LAMB1: variants seen among roughly 807,000 people sequenced by gnomAD.
The protein encoded by LAMB1 is laminin subunit beta-1.
A neutral mutation model predicts 222.3 loss-of-function variants in LAMB1; 121 were observed. The ratio of observed to expected loss-of-function variants is 0.54; its 90% CI spans 0.47 to 0.63. The LOEUF is 0.63. LAMB1 is among the 30% of genes least tolerant of loss of function. LAMB1 has a pLI of 0.00. For synonymous variants in LAMB1, 794 were observed against 807.2 expected, an observed-to-expected ratio of 0.98 and a Z score of 0.28; for missense variants, 2,172 against 2,240.8, an observed-to-expected ratio of 0.97 and a Z score of 0.62.
At chr7:107,950,616 T>C (rs1166656232) in intron 24 of LAMB1, among the ~76,000 whole-genome samples, 2 of 152,218 alleles carry the variant, frequency 1.3e-5, no homozygotes, top group Non-Finnish European at 2.9e-5. Flanking sequence ...TTAAACTGAC[T>C]TGGAGCCCCT....
Position 107,986,303 on chromosome 7 carries a change from C to T in LAMB1, c.484G>A (p.Val162Met). The T allele has an allele frequency of 1.9e-6, 3 of 1,613,094 alleles. No homozygotes were observed. Among genetic ancestry groups the T allele is most frequent in the Non-Finnish European group, 2.5e-6 (3 of 1,179,188 alleles). Residue 162 changes from valine (V) to methionine (M), a missense_variant, in exon 6 of 34, where the codon GTG becomes ATG. By Grantham distance (21) the Val-to-Met change is conservative (BLOSUM62 1). Coordinates refer to ENST00000222399, the MANE Select transcript of LAMB1 (RefSeq NM_002291.3). ...RSSDFGKTWGVYRYFAYDCEA... is the reference protein window; with the variant it reads ...RSSDFGKTWGMYRYFAYDCEA... Reference sequence around the variant, plus strand: ...CAGTCATAGGCGAAGTATCTATACACACCCCAGGTTTTCCCAAAGTCGGAC... The same window carrying T: ...CAGTCATAGGCGAAGTATCTATACATACCCCAGGTTTTCCCAAAGTCGGAC...
Position 107,987,040 on chromosome 7 carries a change from C to T in LAMB1, c.424-677G>A, listed in dbSNP as rs140279203. Among the ~76,000 whole-genome samples the T allele has an allele frequency of 3.6e-3, 549 of 152,242 alleles. 7 individuals are homozygous for T. The highest frequency in any genetic ancestry group is 0.013 in the African/African-American group (520 of 41,540). ...AGTATTATTCACAATAGCCAGAAGG[C>T]GGGAACAACCCATGTACCCATCAAC... On this transcript the variant is annotated intron_variant, in intron 5 of 33. Coordinates refer to ENST00000222399, the MANE Select transcript of LAMB1 (RefSeq NM_002291.3).
chr7:107,998,609 T>TAATTGTGTGAA (rs2034324551), intron 3 of LAMB1, 117 bp from the exon 4 acceptor site: 4 of 811,926 alleles, frequency 4.9e-6, no homozygotes. Flanking sequence ...TCAAGAAAAA[T>TAATTGTGTGAA]AATTGTGTGA....
At chr7:107,966,583 C>T (rs895915233) in intron 13 of LAMB1, among the ~76,000 whole-genome samples, 5 of 152,174 alleles carry the variant, frequency 3.3e-5, no homozygotes, top group African/African-American at 1.2e-4. Context: ...ACCTAGCCTT[C>T]TTTTGGCACA....
At chr7:107,955,150 T>A (rs564445352) in intron 21 of LAMB1, among the ~76,000 whole-genome samples, 1 of 152,170 alleles carries the variant, frequency 6.6e-6, no homozygotes, top group Non-Finnish European at 1.5e-5. Context: ...TTGCTAGGAG[T>A]TGGATAAAGA....
In LAMB1 at chr7:107,964,562, T is replaced by G. The variant is rs2033587216; in HGVS notation, c.1688A>C (p.Asn563Thr). 1 of 1,614,046 alleles carries G rather than the reference T, an allele frequency of 6.2e-7. No homozygotes were observed. Among genetic ancestry groups the G allele is most frequent in the Non-Finnish European group, 8.5e-7 (1 of 1,180,000 alleles). ...CACTCCCCTACTCACAGGCCCCAAG[T>G]TGGCTTCCTCCGCTTCATAGAGGTA... Reference protein sequence around the residue: ...DHYLYEAEEANLGPGVSIVER... With the variant: ...DHYLYEAEEATLGPGVSIVER... The change falls in exon 14 of 34, where the codon AAC (asparagine) becomes ACC (threonine). Residue 563 changes from asparagine to threonine, a missense_variant. Coordinates refer to ENST00000222399, the MANE Select transcript of LAMB1 (RefSeq NM_002291.3).
intron 25 of LAMB1, among the ~76,000 whole-genome samples, chr7:107,938,360 A>C (rs1373756545): frequency 6.6e-6 from 1 of 152,168 alleles, no homozygotes; most frequent in East Asian, 1.9e-4. Context: ...TGCTTTTATT[A>C]ATTATATGAC....
intron 13 of LAMB1, among the ~76,000 whole-genome samples, chr7:107,967,194 T>C (rs949002085): frequency 6.6e-6 from 1 of 152,228 alleles, no homozygotes; most frequent in African/African-American, 2.4e-5. Context: ...TTTAAAATTC[T>C]TCTCATGGTA....
chr7:107,963,377 T>C (rs1435690714), intron 14 of LAMB1, among the ~76,000 whole-genome samples: 1 of 152,170 alleles, frequency 6.6e-6, no homozygotes, highest in African/African-American at 2.4e-5. Flanking sequence ...CACATGCCGT[T>C]ATAAGCAAGT....
intron 13 of LAMB1, among the ~76,000 whole-genome samples, chr7:107,967,214 C>T (rs775728053): frequency 4.0e-4 from 61 of 152,330 alleles, no homozygotes; most frequent in Non-Finnish European, 7.9e-4. Context: ...ATAGGTGAGA[C>T]ATCACCTTCT....
At chr7:107,943,429 A>T (rs1000660324) in intron 24 of LAMB1, among the ~76,000 whole-genome samples, 2 of 152,214 alleles carry the variant, frequency 1.3e-5, no homozygotes, top group African/African-American at 4.8e-5. Flanking sequence ...TAACTTACAA[A>T]TAACTTAAAT....
At chr7:107,951,845 GCA>G (rs1427930408) in intron 23 of LAMB1, among the ~76,000 whole-genome samples, 162 bp downstream of exon 23, 17 of 152,324 alleles carry the variant, frequency 1.1e-4, no homozygotes, top group African/African-American at 4.1e-4. Context: ...GGGACTCTGT[GCA>G]CAGTTATGTA....
At chr7:107,943,997 G>A (rs2033056191) in intron 24 of LAMB1, among the ~76,000 whole-genome samples, 1 of 152,182 alleles carries the variant, frequency 6.6e-6, no homozygotes, top group Non-Finnish European at 1.5e-5. Context: ...TTGTCTACCA[G>A]CCAGTGGTCA....
At chr7:107,965,307 C>T (rs994107101) in intron 13 of LAMB1, among the ~76,000 whole-genome samples, 7 of 152,192 alleles carry the variant, frequency 4.6e-5, no homozygotes, top group South Asian at 4.1e-4. Flanking sequence ...CGGCTGGGCA[C>T]GGTGGCTCAC....
At position 107,994,970 on chromosome 7, in the gene LAMB1, A is replaced by T; in HGVS notation, c.350-10T>A. On this transcript the variant is annotated splice_polypyrimidine_tract_variant and intron_variant, in intron 4 of 33. Transcript: ENST00000222399. ...GTTACATTTTCCACACCTACAGGAG[A>T]TTTAAAAAAAATAAAACAATAAATG... 6.7e-7 allele frequency: 1 copy of T among 1,497,106 alleles called. No individual in the cohort carries two copies. The highest frequency in any genetic ancestry group is 9.3e-7 in the Non-Finnish European group (1 of 1,080,782). The allele number at this position is 1,497,106 out of a possible 1,614,324, so 92.7% of individuals were successfully genotyped here.
intron 13 of LAMB1, among the ~76,000 whole-genome samples, chr7:107,965,219 T>G (rs1279559819): frequency 6.6e-6 from 1 of 152,210 alleles, no homozygotes; most frequent in African/African-American, 2.4e-5. Context: ...AGGAACCAAA[T>G]TCTGTGATTT....
chr7:107,966,998 AGATGGCC>A (rs1306475054), intron 13 of LAMB1, among the ~76,000 whole-genome samples: 2 of 152,196 alleles, frequency 1.3e-5, no homozygotes, highest in Non-Finnish European at 2.9e-5. Flanking sequence ...TTTCCTATGC[AGATGGCC>A]CTCACCCTAC....
rs188946426 is a variant in LAMB1 at position 107,937,791 on chromosome 7, A to G, written c.3762-514T>C. On this transcript the variant is annotated intron_variant, in intron 25 of 33. Coordinates refer to ENST00000222399, the MANE Select transcript of LAMB1 (RefSeq NM_002291.3). ...AGGAGCCACCAGTATCAGCTTTCATACACTCCTCTCTTCCGTCAGAGGGGC... is the reference window on the plus strand; with the variant it reads ...AGGAGCCACCAGTATCAGCTTTCATGCACTCCTCTCTTCCGTCAGAGGGGC... Among the ~76,000 whole-genome samples the G allele has an allele frequency of 6.6e-5, 10 of 152,280 alleles. No individual in the cohort carries two copies. The East Asian group carries it at 1.9e-3, about 29-fold the overall frequency.
At chr7:107,984,306 T>C (rs546788119) in intron 7 of LAMB1, among the ~76,000 whole-genome samples, 8 of 152,300 alleles carry the variant, frequency 5.3e-5, no homozygotes, top group African/African-American at 1.9e-4. Flanking sequence ...TGGAGTGCAG[T>C]GGCACGATCT....
Sources: gnomAD v4.1 joint callset for allele counts (sites outside exome capture counted in the v4.1 genomes callset) on GRCh38, gnomAD v4.1.1 for gene constraint, MANE v1.5 for transcripts, NCBI Gene and HGNC (gene_info 2026-07-23, HGNC 2026-07-21) for gene names.